PHF21A: variants seen among roughly 807,000 people sequenced by gnomAD.
The protein encoded by PHF21A is BHC80a.
PHF21A carries 11 observed loss-of-function variants against 82.5 expected under a neutral mutation model. The observed-to-expected ratio is 0.13, with a 90% CI of 0.08 to 0.22. PHF21A has a LOEUF of 0.22. Among genes scored for constraint, PHF21A ranks in the 10% least tolerant of loss-of-function variants. The probability of loss-of-function intolerance (pLI) is 1.00; values close to 1 mark genes in which losing one functional copy is unlikely to be tolerated. For missense variants in PHF21A, 579 were observed against 837.8 expected (o/e 0.69, Z 3.81); for synonymous variants, 297 against 302.8 (o/e 0.98, Z 0.20).
At chr11:45,992,406 G>A (rs902702207) in intron 6 of PHF21A, among the ~76,000 whole-genome samples, 2 of 152,036 alleles carry the variant, frequency 1.3e-5, no homozygotes, top group African/African-American at 2.4e-5. Context: ...CAGGCATGGT[G>A]GCGGGCGCCT....
intron 6 of PHF21A, among the ~76,000 whole-genome samples, chr11:46,068,195 T>C (rs935309013): frequency 6.6e-6 from 1 of 152,158 alleles, no homozygotes; most frequent in African/African-American, 2.4e-5. Flanking sequence ...GAAGTAACAC[T>C]GCCAAGATTT....
chr11:45,982,044 C>A (rs956224393), intron 6 of PHF21A, among the ~76,000 whole-genome samples: 1 of 149,256 alleles, frequency 6.7e-6, no homozygotes. Flanking sequence ...GCCATTTCCA[C>A]GCCCCAGGCT....
At chr11:46,070,797 C>T (rs1257526323) in intron 6 of PHF21A, among the ~76,000 whole-genome samples, 2 of 152,228 alleles carry the variant, frequency 1.3e-5, no homozygotes, top group African/African-American at 4.8e-5. Flanking sequence ...CTACAATAGA[C>T]TTGTGCCATG....
intron 6 of PHF21A, among the ~76,000 whole-genome samples, chr11:45,983,594 G>A (rs1034153182): frequency 6.6e-6 from 1 of 152,170 alleles, no homozygotes; most frequent in Non-Finnish European, 1.5e-5. Context: ...CTGAAAGCCA[G>A]GTGAGCTCTG....
chr11:46,003,259 G>A (rs1381576534), intron 6 of PHF21A, among the ~76,000 whole-genome samples: 2 of 148,730 alleles, frequency 1.3e-5, no homozygotes, highest in African/African-American at 2.5e-5. Context: ...ATGGAGGAAA[G>A]AGCTTGGGTT....
At chr11:46,089,074 A>T (rs1386399049) in intron 3 of PHF21A, among the ~76,000 whole-genome samples, 1 of 152,164 alleles carries the variant, frequency 6.6e-6, no homozygotes, top group Non-Finnish European at 1.5e-5. Flanking sequence ...TAAAAAGGAC[A>T]ACTCCATGTT....
intron 6 of PHF21A, among the ~76,000 whole-genome samples, chr11:45,986,082 A>AG (rs1315520174): frequency 3.1e-4 from 3 of 9,574 alleles, no homozygotes; most frequent in Non-Finnish European, 8.9e-4. Flanking sequence ...TTCTTCCTTC[A>AG]AAACACACAC....
intron 6 of PHF21A, among the ~76,000 whole-genome samples, chr11:45,984,621 C>T (rs375770563): frequency 6.6e-6 from 1 of 152,172 alleles, no homozygotes; most frequent in African/African-American, 2.4e-5. Flanking sequence ...CGTTCCATGG[C>T]TTTTGTCAAC....
At chr11:45,968,319 A>G (rs1488210961) in intron 9 of PHF21A, among the ~76,000 whole-genome samples, 2 of 152,182 alleles carry the variant, frequency 1.3e-5, no homozygotes, top group African/African-American at 4.8e-5. Flanking sequence ...CTCCTAGGAT[A>G]AGGCCCAGGT....
chr11:45,979,624 G>A, intron 7 of PHF21A, 136 bp downstream of exon 7: 1 of 1,267,100 alleles, frequency 7.9e-7, no homozygotes, highest in South Asian at 1.3e-5. Flanking sequence ...GGGTTATACT[G>A]TAAAAAAGCA....
chr11:45,958,516 C>T (rs1423012495), intron 10 of PHF21A, among the ~76,000 whole-genome samples: 1 of 142,094 alleles, frequency 7.0e-6, no homozygotes, highest in African/African-American at 2.6e-5. Flanking sequence ...GTCCCAGCTA[C>T]TTGGGAAGCT....
intron 6 of PHF21A, among the ~76,000 whole-genome samples, chr11:46,032,692 C>T (rs2095891360): frequency 6.6e-6 from 1 of 152,042 alleles, no homozygotes; most frequent in Non-Finnish European, 1.5e-5. Flanking sequence ...TAAGGACTGC[C>T]TGTTTGTCTA....
intron 6 of PHF21A, among the ~76,000 whole-genome samples, chr11:45,993,778 G>A (rs961019199): frequency 7.3e-5 from 11 of 151,674 alleles, no homozygotes; most frequent in Non-Finnish European, 8.8e-5. Flanking sequence ...AAAGGGCCAA[G>A]CAGGAGAGGA....
chr11:45,960,885 T>C (rs992546249), intron 10 of PHF21A, among the ~76,000 whole-genome samples: 14 of 152,238 alleles, frequency 9.2e-5, no homozygotes, highest in Non-Finnish European at 1.6e-4. Flanking sequence ...TTTAAAAACA[T>C]CTGGATTTCA....
At chr11:46,013,429 C>G (rs951461090) in intron 6 of PHF21A, among the ~76,000 whole-genome samples, 1 of 152,014 alleles carries the variant, frequency 6.6e-6, no homozygotes, top group Non-Finnish European at 1.5e-5. Context: ...TAATAATGGC[C>G]CCAAAGCGAA....
chr11:46,028,417 T>C (rs1254328937), intron 6 of PHF21A, among the ~76,000 whole-genome samples: 1 of 152,126 alleles, frequency 6.6e-6, no homozygotes, highest in African/African-American at 2.4e-5. Context: ...ATCAAACATA[T>C]TACTTTCATA....
At chr11:45,939,557 T>C (rs1173859791) in intron 15 of PHF21A, among the ~76,000 whole-genome samples, 1 of 152,102 alleles carries the variant, frequency 6.6e-6, no homozygotes, top group Non-Finnish European at 1.5e-5. Context: ...TGCTGTTCAA[T>C]GGGCCATTCT....
intron 6 of PHF21A, among the ~76,000 whole-genome samples, chr11:45,988,014 A>C (rs139741980): frequency 1.2e-4 from 19 of 152,304 alleles, no homozygotes; most frequent in Non-Finnish European, 2.5e-4. Context: ...GTTGGATATG[A>C]AAATACAATT....
At chr11:45,935,265 G>T in intron 18 of PHF21A, 1 of 1,304,916 alleles carries the variant, frequency 7.7e-7, no homozygotes, top group South Asian at 1.2e-5. Context: ...AATCACACGA[G>T]GGGACCTGGT....
Sources: allele counts gnomAD v4.1 joint callset (sites outside exome capture counted in the v4.1 genomes callset), GRCh38; gene constraint gnomAD v4.1.1; transcripts MANE v1.5; gene names NCBI Gene and HGNC (gene_info 2026-07-23, HGNC 2026-07-21).